Variants in BANP observed in about 807,000 individuals in gnomAD.
The protein encoded by BANP is protein BANP.
BANP carries 11 observed loss-of-function variants against 68.1 expected under a neutral mutation model. The observed-to-expected ratio is 0.16, with a 90% confidence interval of 0.10 to 0.27. The LOEUF (loss-of-function observed/expected upper bound fraction) is 0.27. Ranked by LOEUF, BANP falls within the 10% of genes least tolerant of loss-of-function variation. The pLI, the probability that BANP is intolerant of heterozygous loss-of-function variation, is 1.00. For synonymous variants in BANP, 329 were observed against 303.2 expected (o/e 1.09, Z -0.88); for missense variants, 504 against 722.7 (o/e 0.70, Z 3.47).
At chr16:87,951,090 C>A (rs1202536692), upstream of BANP, among the ~76,000 whole-genome samples, 1 of 152,220 alleles carries the variant, frequency 6.6e-6, no homozygotes, top group Non-Finnish European at 1.5e-5. Flanking sequence ...ATGCATGGCT[C>A]CCAGCTTGCG....
At chr16:87,992,726 G>C (rs1431739487) in intron 4 of BANP, among the ~76,000 whole-genome samples, 1 of 151,824 alleles carries the variant, frequency 6.6e-6, no homozygotes, top group African/African-American at 2.4e-5. Flanking sequence ...CCTAGGAGGC[G>C]GAGGTTGCAG....
chr16:88,053,055 C>T (rs978227906), intron 11 of BANP, among the ~76,000 whole-genome samples: 1 of 151,848 alleles, frequency 6.6e-6, no homozygotes, highest in Non-Finnish European at 1.5e-5. Flanking sequence ...TCACCATCAC[C>T]CCTGTCATCT....
chr16:88,016,832 A>G lies in BANP; in HGVS notation c.656-1596A>G, dbSNP rs536491247. On this transcript the variant is annotated intron_variant, in intron 6 of 13. Transcript: ENST00000682872. Reference sequence around the variant, plus strand: ...GGCAGCATCCCTGTACTTCTAAACCACCTCTGAGCATCGATGCTCCTTACT... The same window carrying G: ...GGCAGCATCCCTGTACTTCTAAACCGCCTCTGAGCATCGATGCTCCTTACT... Among the ~76,000 whole-genome samples, 21 of 152,198 alleles carry G rather than the reference A, an allele frequency of 1.4e-4. No homozygotes were observed. The East Asian group carries it at 4.1e-3, about 29-fold the overall frequency.
chr16:87,988,531 C>G (rs574564269), intron 4 of BANP, among the ~76,000 whole-genome samples: 1 of 152,192 alleles, frequency 6.6e-6, no homozygotes, highest in Admixed American at 6.5e-5. Flanking sequence ...TCCCAAAGTG[C>G]TGGGATTACG....
chr16:88,037,808 T>C (rs1333016902), intron 10 of BANP, 165 bp from the exon 11 acceptor site: 1 of 646,830 alleles, frequency 1.5e-6, no homozygotes, highest in East Asian at 2.7e-5. Context: ...AATGTCAATA[T>C]TTTGTTTTGG....
rs569015969 is a variant in BANP at position 87,971,301 on chromosome 16, C to T, written c.-68-3747C>T. ...AGTCCTGCGTGGAGATAGGGTGCTC[C>T]GCTAGCCGCTCTTCCCAATGCCTCT... On this transcript the variant is annotated intron_variant, in intron 1 of 13. Coordinates refer to ENST00000682872, the MANE Select transcript of BANP (RefSeq NM_001386991.1). Among the ~76,000 whole-genome samples, 20 of 152,132 alleles carry T rather than the reference C, an allele frequency of 1.3e-4. No homozygotes were observed. In the East Asian group the frequency reaches 2.1e-3, roughly 16 times the overall value.
At chr16:88,061,194 G>C (rs538605234) in intron 11 of BANP, among the ~76,000 whole-genome samples, 254 of 152,292 alleles carry the variant, frequency 1.7e-3, no homozygotes, top group Middle Eastern at 3.4e-3. Flanking sequence ...TGTGCCTACC[G>C]CTTGCCACAA....
At chr16:88,021,291 C>T (rs1467041215) in intron 7 of BANP, among the ~76,000 whole-genome samples, 1 of 152,178 alleles carries the variant, frequency 6.6e-6, no homozygotes, top group African/African-American at 2.4e-5. Context: ...CTGGCAGGGG[C>T]GTCCGCTAGC....
chr16:88,037,930 T>C (rs1340140018), intron 10 of BANP, 43 bp from the exon 11 acceptor site: 2 of 1,592,754 alleles, frequency 1.3e-6, no homozygotes, highest in South Asian at 2.2e-5. Context: ...GGTGTCTTGG[T>C]GTGTTTCTAC....
At chr16:88,062,425 C>T (rs2087085131) in intron 11 of BANP, among the ~76,000 whole-genome samples, 2 of 152,202 alleles carry the variant, frequency 1.3e-5, no homozygotes, top group Non-Finnish European at 1.5e-5. Flanking sequence ...GCCGGGGTTC[C>T]CTCAGTCGGC....
chr16:87,971,016 C>A (rs114181635), intron 1 of BANP, among the ~76,000 whole-genome samples: 203 of 135,288 alleles, frequency 1.5e-3, no homozygotes, highest in Non-Finnish European at 1.7e-3. Flanking sequence ...GACTGCATCT[C>A]AAAAAAAAAA....
Position 87,955,178 on chromosome 16 carries a change from T to G in BANP, c.-69+3663T>G, listed in dbSNP as rs115526757. Among the ~76,000 whole-genome samples, 1,252 of 152,302 alleles carry G rather than the reference T, an allele frequency of 8.2e-3. 14 individuals carry two copies. Among genetic ancestry groups the G allele is most frequent in the African/African-American group, 0.028 (1,153 of 41,558 alleles). ...GTGAGCGTACTGGGAGCATGATCTT[T>G]CTGCATGGTGGCTGACTGTCACTGG... On this transcript the variant is annotated intron_variant, in intron 1 of 13. Coordinates refer to ENST00000682872, the MANE Select transcript of BANP (RefSeq NM_001386991.1).
At chr16:88,033,272 T>A in intron 9 of BANP, 27 bp downstream of exon 9, 1 of 1,524,892 alleles carries the variant, frequency 6.6e-7, no homozygotes, top group Non-Finnish European at 8.9e-7. Context: ...CCTCACACCT[T>A]GGGAAAGGGG....
At chr16:88,047,963 A>G (rs1007062064) in intron 11 of BANP, among the ~76,000 whole-genome samples, 1 of 152,234 alleles carries the variant, frequency 6.6e-6, no homozygotes, top group Non-Finnish European at 1.5e-5. Flanking sequence ...GCCGAAGCAA[A>G]CACTGGGACT....
chr16:88,039,506 A>G (rs181719801), intron 11 of BANP, among the ~76,000 whole-genome samples: 4 of 144,590 alleles, frequency 2.8e-5, no homozygotes, highest in African/African-American at 9.7e-5. Context: ...TTTAATTCCT[A>G]GGAAAAGTAA....
chr16:88,012,332 A>T (rs1310787942), intron 6 of BANP, among the ~76,000 whole-genome samples: 1 of 152,214 alleles, frequency 6.6e-6, no homozygotes, highest in Non-Finnish European at 1.5e-5. Flanking sequence ...AGCTTGAGTA[A>T]GCCTTTGCAA....
intron 6 of BANP, among the ~76,000 whole-genome samples, chr16:88,010,790 A>C (rs1322521274): frequency 6.6e-6 from 1 of 152,220 alleles, no homozygotes; most frequent in African/African-American, 2.4e-5. Context: ...GCCGATTCAC[A>C]CACCTCGCAG....
chr16:88,056,285 C>A (rs180919460), intron 11 of BANP, among the ~76,000 whole-genome samples: 2 of 152,194 alleles, frequency 1.3e-5, no homozygotes, highest in Admixed American at 1.3e-4. Context: ...AAGGTAGTTT[C>A]AGGCTTGAGT....
intron 4 of BANP, among the ~76,000 whole-genome samples, chr16:87,989,772 C>T (rs373512757): frequency 7.7e-5 from 9 of 117,110 alleles, no homozygotes; most frequent in African/African-American, 2.8e-4. Context: ...GGGCGGGTGA[C>T]GGGGGATGCA....
Sources: allele counts gnomAD v4.1 joint callset (sites outside exome capture counted in the v4.1 genomes callset), GRCh38; gene constraint gnomAD v4.1.1; transcripts MANE v1.5; gene names NCBI Gene and HGNC (gene_info 2026-07-23, HGNC 2026-07-21).